ATG10: variants seen among roughly 807,000 people sequenced by gnomAD.
ATG10 encodes the protein ubiquitin-like-conjugating enzyme ATG10.
In ATG10, 30 loss-of-function variants were observed where a neutral mutation model predicts 32.1. The ratio of observed to expected loss-of-function variants is 0.94; its 90% CI spans 0.70 to 1.27. The LOEUF (loss-of-function observed/expected upper bound fraction) is 1.27, where lower values mean the gene tolerates loss of function less well. ATG10 is among the 50% of genes most tolerant of loss of function. The pLI is 0.00. For synonymous variants in ATG10, 87 were observed against 91.5 expected (o/e 0.95, Z 0.28); for missense variants, 233 against 262.3 (o/e 0.89, Z 0.77).
intron 5 of ATG10, among the ~76,000 whole-genome samples, chr5:82,215,514 A>C (rs1322576653): frequency 6.6e-6 from 1 of 152,234 alleles, no homozygotes; most frequent in Non-Finnish European, 1.5e-5. Flanking sequence ...GAAAGAAAAA[A>C]TTAATTTTTA....
At chr5:82,210,161 GGTCAA>G (rs1745441884) in intron 5 of ATG10, among the ~76,000 whole-genome samples, 2 of 152,058 alleles carry the variant, frequency 1.3e-5, no homozygotes, top group South Asian at 4.1e-4. Context: ...CTTGGGTTTT[GGTCAA>G]GTCTTTTCAT....
intron 3 of ATG10, among the ~76,000 whole-genome samples, chr5:82,069,684 G>A (rs573994065): frequency 3.9e-5 from 6 of 152,086 alleles, no homozygotes; most frequent in South Asian, 2.1e-4. Context: ...AATATACTGC[G>A]AACTTAACTA....
intron 5 of ATG10, among the ~76,000 whole-genome samples, chr5:82,221,414 A>G (rs899400584): frequency 1.2e-4 from 18 of 152,312 alleles, no homozygotes; most frequent in African/African-American, 2.9e-4. Context: ...GACTGATCTG[A>G]TAGAGCTCTT....
At chr5:82,139,142 T>C (rs1181896380) in intron 3 of ATG10, among the ~76,000 whole-genome samples, 3 of 144,720 alleles carry the variant, frequency 2.1e-5, no homozygotes, top group Non-Finnish European at 3.0e-5. Flanking sequence ...GTTCACTCAG[T>C]GCTCAATGGT....
chr5:82,037,129 C>CAAAAAA (rs1159037400), intron 2 of ATG10, among the ~76,000 whole-genome samples: 4 of 25,800 alleles, frequency 1.6e-4, no homozygotes, highest in African/African-American at 3.0e-4. Flanking sequence ...GACTCTGTCT[C>CAAAAAA]AAAAAAAAAA....
At chr5:82,139,052 C>T (rs1481133971) in intron 3 of ATG10, among the ~76,000 whole-genome samples, 4 of 149,768 alleles carry the variant, frequency 2.7e-5, no homozygotes, top group African/African-American at 4.9e-5. Flanking sequence ...CTGTGTTGGC[C>T]GGGCCGGTCT....
At position 82,061,793 on chromosome 5, in the gene ATG10, C is replaced by T. The variant is rs1170528893; in HGVS notation, c.216+3191C>T. Among the ~76,000 whole-genome samples the T allele has an allele frequency of 2.5e-4, 26 of 105,306 alleles. No individual in the cohort carries two copies. The East Asian group carries it at 4.7e-3, about 19-fold the overall frequency. 69.1% of individuals were successfully genotyped at this position (105,306 alleles called of 152,430 possible). On this transcript the variant is annotated intron_variant, in intron 3 of 7. Coordinates refer to ENST00000282185, the MANE Select transcript of ATG10 (RefSeq NM_031482.5). Reference sequence around the variant, plus strand: ...ATACATGTACACATATATATATATACGTATACATACATATACACACATACC... The same window carrying T: ...ATACATGTACACATATATATATATATGTATACATACATATACACACATACC...
At chr5:82,211,399 G>T (rs1016835645) in intron 5 of ATG10, among the ~76,000 whole-genome samples, 1 of 151,908 alleles carries the variant, frequency 6.6e-6, no homozygotes, top group Non-Finnish European at 1.5e-5. Context: ...AGCCCTACAC[G>T]CCTGGGTACT....
intron 5 of ATG10, among the ~76,000 whole-genome samples, chr5:82,194,990 T>C (rs1744797291): frequency 6.6e-6 from 1 of 152,188 alleles, no homozygotes. Flanking sequence ...CCAAAGTGGC[T>C]CAGGGAAGTC....
chr5:82,149,559 T>A (rs535343773), intron 3 of ATG10, among the ~76,000 whole-genome samples: 5 of 152,184 alleles, frequency 3.3e-5, no homozygotes, highest in African/African-American at 1.2e-4. Flanking sequence ...ATGTTACCAA[T>A]TTATTAAAAC....
intron 2 of ATG10, among the ~76,000 whole-genome samples, chr5:82,020,895 G>A (rs1472643830): frequency 5.3e-5 from 8 of 152,114 alleles, no homozygotes; most frequent in African/African-American, 1.9e-4. Context: ...GGTACAAAAG[G>A]GGATTCCACA....
chr5:82,198,279 A>G (rs749437867), intron 5 of ATG10, among the ~76,000 whole-genome samples: 7 of 152,202 alleles, frequency 4.6e-5, no homozygotes, highest in Non-Finnish European at 5.9e-5. Context: ...AATAAACAAA[A>G]TAGAATGCTA....
At chr5:82,104,508 G>C (rs1165045779) in intron 3 of ATG10, among the ~76,000 whole-genome samples, 1 of 151,684 alleles carries the variant, frequency 6.6e-6, no homozygotes, top group Non-Finnish European at 1.5e-5. Context: ...CAACTAATTT[G>C]TTTTTCTGAA....
At chr5:82,139,382 C>A (rs1766938138) in intron 3 of ATG10, among the ~76,000 whole-genome samples, 1 of 149,798 alleles carries the variant, frequency 6.7e-6, no homozygotes, top group African/African-American at 2.5e-5. Context: ...GCCCCCATCC[C>A]ATCTAGGAAG....
intron 3 of ATG10, among the ~76,000 whole-genome samples, chr5:82,093,734 TC>T (rs1156305613): frequency 8.5e-5 from 13 of 152,216 alleles, no homozygotes; most frequent in African/African-American, 1.2e-4. Flanking sequence ...ATTTTTGTCT[TC>T]CTATAAACAT....
At position 81,974,571 on chromosome 5, in the gene ATG10, TG is replaced by T. The variant is rs201104983; in HGVS notation, c.-13+2266del. Among the ~76,000 whole-genome samples, 139 of 152,338 alleles carry T rather than the reference TG, an allele frequency of 9.1e-4. 1 individual carries two copies. In the East Asian group the frequency reaches 0.022, roughly 24 times the overall value. On this transcript the variant is annotated intron_variant, in intron 1 of 7. Coordinates refer to ENST00000282185, the MANE Select transcript of ATG10 (RefSeq NM_031482.5). ...CCTACACTGGTTTCCTATTGCCAAT[TG>T]TTTTAAATGGAATCTCCTTTGGGTT...
At chr5:82,118,961 T>C (rs894652358) in intron 3 of ATG10, among the ~76,000 whole-genome samples, 1 of 152,204 alleles carries the variant, frequency 6.6e-6, no homozygotes, top group African/African-American at 2.4e-5. Context: ...TAGATTATTT[T>C]GGAAATTTGA....
At chr5:82,169,961 A>C (rs941544916) in intron 4 of ATG10, among the ~76,000 whole-genome samples, 3 of 152,242 alleles carry the variant, frequency 2.0e-5, no homozygotes, top group African/African-American at 4.8e-5. Flanking sequence ...TGATAGCAAT[A>C]GAATCTCATT....
At chr5:81,994,466 T>G (rs548510715) in intron 2 of ATG10, among the ~76,000 whole-genome samples, 1 of 152,274 alleles carries the variant, frequency 6.6e-6, no homozygotes, top group South Asian at 2.1e-4. Context: ...AAGGAAAAAT[T>G]GGACTGAAGA....
Sources: allele counts gnomAD v4.1 joint callset (sites outside exome capture counted in the v4.1 genomes callset), GRCh38; gene constraint gnomAD v4.1.1; transcripts MANE v1.5; gene names NCBI Gene and HGNC (gene_info 2026-07-23, HGNC 2026-07-21).